Variants in CNTNAP5 observed in about 807,000 individuals in gnomAD.
CNTNAP5 encodes the protein contactin associated protein family member 5.
CNTNAP5 carries 72 observed loss-of-function variants against 150.2 expected under a neutral mutation model. The ratio of observed to expected loss-of-function variants is 0.48; its 90% CI spans 0.40 to 0.58. The LOEUF (loss-of-function observed/expected upper bound fraction) is 0.58, where lower values mean the gene tolerates loss of function less well. Ranked by LOEUF, CNTNAP5 falls within the 20% of genes least tolerant of loss-of-function variation. The pLI, the probability that CNTNAP5 is intolerant of heterozygous loss-of-function variation, is 0.00. For synonymous variants in CNTNAP5, 672 were observed against 619.8 expected (o/e 1.08, Z -1.25); for missense variants, 1,636 against 1,626.2 (o/e 1.01, Z -0.10).
Position 124,452,794 on chromosome 2 carries a change from C to T in CNTNAP5, c.918+5857C>T, listed in dbSNP as rs570750844. 4.6e-5 allele frequency among the ~76,000 whole-genome samples: 7 copies of T among 152,208 alleles called. No individual in the cohort carries two copies. The East Asian group carries it at 1.2e-3, about 25-fold the overall frequency. On this transcript the variant is annotated intron_variant, in intron 6 of 23. Transcript: ENST00000682447. ...AGAGACAACAATCACTACAGCTTGGCTCTCAGGAAGCCACATCCCTAGGAA... is the reference window on the plus strand; with the variant it reads ...AGAGACAACAATCACTACAGCTTGGTTCTCAGGAAGCCACATCCCTAGGAA...
intron 13 of CNTNAP5, among the ~76,000 whole-genome samples, chr2:124,662,169 T>C (rs1678606183): frequency 6.6e-6 from 1 of 152,208 alleles, no homozygotes; most frequent in South Asian, 2.1e-4. Flanking sequence ...CATCCTTTTT[T>C]ATGGCTGCAT....
At chr2:124,503,635 T>C (rs1433560697) in intron 7 of CNTNAP5, among the ~76,000 whole-genome samples, 1 of 152,216 alleles carries the variant, frequency 6.6e-6, no homozygotes, top group African/African-American at 2.4e-5. Flanking sequence ...TGAAAACCAT[T>C]CAGGAAGCAT....
At chr2:124,111,928 A>C (rs1683308017) in intron 1 of CNTNAP5, among the ~76,000 whole-genome samples, 1 of 152,166 alleles carries the variant, frequency 6.6e-6, no homozygotes, top group Non-Finnish European at 1.5e-5. Flanking sequence ...AGTCTTTCTC[A>C]CTTCTGTCCT....
At chr2:124,353,608 G>T (rs905470908) in intron 3 of CNTNAP5, among the ~76,000 whole-genome samples, 1 of 152,078 alleles carries the variant, frequency 6.6e-6, no homozygotes, top group African/African-American at 2.4e-5. Flanking sequence ...CTCTCTCCGT[G>T]CATCTCCATG....
chr2:124,084,888 T>G (rs186244519), intron 1 of CNTNAP5, among the ~76,000 whole-genome samples: 529 of 148,790 alleles, frequency 3.6e-3, no homozygotes, highest in African/African-American at 5.3e-3. Context: ...GAGATTTTTT[T>G]GGGGATGTTT....
At chr2:124,734,600 A>C (rs1680343505) in intron 13 of CNTNAP5, among the ~76,000 whole-genome samples, 1 of 151,916 alleles carries the variant, frequency 6.6e-6, no homozygotes, top group African/African-American at 2.4e-5. Context: ...TAGTTGACCA[A>C]GACAAAAGCA....
At chr2:124,682,625 G>A (rs1336822599) in intron 13 of CNTNAP5, among the ~76,000 whole-genome samples, 1 of 152,100 alleles carries the variant, frequency 6.6e-6, no homozygotes, top group African/African-American at 2.4e-5. Context: ...GTTTCTCTCG[G>A]GTAGACAATT....
At chr2:124,156,561 T>G (rs1368141623) in intron 1 of CNTNAP5, among the ~76,000 whole-genome samples, 1 of 152,176 alleles carries the variant, frequency 6.6e-6, no homozygotes, top group Non-Finnish European at 1.5e-5. Flanking sequence ...AATGCTGTGG[T>G]CTTGGCTCCC....
chr2:124,706,912 G>GAA (rs1679670276), intron 13 of CNTNAP5, among the ~76,000 whole-genome samples: 3 of 96,224 alleles, frequency 3.1e-5, no homozygotes, highest in Admixed American at 1.0e-4. Flanking sequence ...AGGAGGAGGA[G>GAA]GAGGAGAAGA....
chr2:124,201,678 A>T (rs1371340776), intron 1 of CNTNAP5, among the ~76,000 whole-genome samples: 1 of 152,246 alleles, frequency 6.6e-6, no homozygotes, highest in Non-Finnish European at 1.5e-5. Context: ...GCAGTAAGTG[A>T]CAGGTGCCCC....
chr2:124,831,821 T>G (rs914091461), intron 19 of CNTNAP5, among the ~76,000 whole-genome samples: 8 of 151,926 alleles, frequency 5.3e-5, no homozygotes, highest in African/African-American at 1.9e-4. Context: ...TTTATTATTT[T>G]TAACAGATTG....
At chr2:124,211,372 G>A (rs1573838770) in intron 1 of CNTNAP5, among the ~76,000 whole-genome samples, 1 of 152,156 alleles carries the variant, frequency 6.6e-6, no homozygotes, top group East Asian at 1.9e-4. Context: ...CAACAAGCCT[G>A]TGTATAGTTA....
intron 8 of CNTNAP5, among the ~76,000 whole-genome samples, chr2:124,513,467 T>A (rs1694638693): frequency 6.6e-6 from 1 of 152,216 alleles, no homozygotes; most frequent in Non-Finnish European, 1.5e-5. Context: ...TGTTGACCAA[T>A]GCCCTTCTCA....
chr2:124,667,482 T>C (rs879587549), intron 13 of CNTNAP5, among the ~76,000 whole-genome samples: 6 of 152,246 alleles, frequency 3.9e-5, no homozygotes, highest in Non-Finnish European at 8.8e-5. Context: ...GCCATTTTGG[T>C]CAAGGTAAGT....
chr2:124,122,902 G>GTA (rs56245047), intron 1 of CNTNAP5, among the ~76,000 whole-genome samples: 15,964 of 150,146 alleles, frequency 0.11, 991 homozygotes, highest in East Asian at 0.36. Context: ...AAAAATATAT[G>GTA]TATATATATA....
intron 13 of CNTNAP5, among the ~76,000 whole-genome samples, chr2:124,704,368 T>C (rs185649404): frequency 6.6e-6 from 1 of 152,198 alleles, no homozygotes; most frequent in African/African-American, 2.4e-5. Context: ...TCTGATTTTT[T>C]AAAAGAGATT....
chr2:124,827,861 C>T (rs563134070), intron 19 of CNTNAP5, among the ~76,000 whole-genome samples: 4 of 152,182 alleles, frequency 2.6e-5, no homozygotes, highest in African/African-American at 9.6e-5. Flanking sequence ...TGTTTTCTTC[C>T]CCCACTTCCC....
intron 3 of CNTNAP5, among the ~76,000 whole-genome samples, chr2:124,275,969 A>T (rs1351249001): frequency 6.6e-6 from 1 of 152,110 alleles, no homozygotes; most frequent in Admixed American, 6.6e-5. Flanking sequence ...GGAACTGTCT[A>T]ATGTCTGCCA....
chr2:124,277,507 A>C (rs1165212564), intron 3 of CNTNAP5, among the ~76,000 whole-genome samples: 1 of 152,058 alleles, frequency 6.6e-6, no homozygotes, highest in Non-Finnish European at 1.5e-5. Context: ...TCTCCATGAA[A>C]CCCCAACATG....
Sources: allele counts gnomAD v4.1 joint callset (sites outside exome capture counted in the v4.1 genomes callset), GRCh38; gene constraint gnomAD v4.1.1; transcripts MANE v1.5; gene names NCBI Gene and HGNC (gene_info 2026-07-23, HGNC 2026-07-21).